ANKRD29: variants seen among roughly 807,000 people sequenced by gnomAD.
ANKRD29 encodes ankyrin repeat domain-containing protein 29.
Under a neutral mutation model 38.0 loss-of-function variants are expected in ANKRD29, and 32 were observed. The observed-to-expected ratio is 0.84, with a 90% confidence interval of 0.64 to 1.13. ANKRD29 has a LOEUF of 1.13. Ranked by LOEUF, ANKRD29 falls within the 50% of genes most tolerant of loss-of-function variation. The pLI, the probability that ANKRD29 is intolerant of heterozygous loss-of-function variation, is 0.00. For synonymous variants in ANKRD29, 135 were observed against 152.4 expected (o/e 0.89, Z 0.84); for missense variants, 357 against 377.9 (o/e 0.94, Z 0.46).
intron 6 of ANKRD29, among the ~76,000 whole-genome samples, chr18:23,625,189 C>T (rs182961581): frequency 2.3e-4 from 35 of 152,234 alleles, no homozygotes; most frequent in Non-Finnish European, 4.6e-4. Flanking sequence ...CCCACCCTAC[C>T]CTGCCCTGGA....
chr18:23,650,492 G>T (rs1183353062), intron 1 of ANKRD29, among the ~76,000 whole-genome samples: 1 of 152,162 alleles, frequency 6.6e-6, no homozygotes, highest in African/African-American at 2.4e-5. Flanking sequence ...CCATACCTAT[G>T]GAAAGCATGG....
chr18:23,662,617 A>AAACCCCC, intron 1 of ANKRD29, 93 bp downstream of exon 1: 1 of 137,646 alleles, frequency 7.3e-6, no homozygotes, highest in Non-Finnish European at 1.3e-5. Context: ...GGCAGCGCCC[A>AAACCCCC]CCCCATCCCA....
intron 1 of ANKRD29, among the ~76,000 whole-genome samples, chr18:23,657,313 A>G (rs924766775): frequency 6.6e-6 from 1 of 152,174 alleles, no homozygotes; most frequent in Non-Finnish European, 1.5e-5. Context: ...TCCTTCTGCC[A>G]TTCTAGCTAA....
At chr18:23,637,994 C>CTTTT (rs3083465) in intron 4 of ANKRD29, among the ~76,000 whole-genome samples, 1,061 of 97,980 alleles carry the variant, frequency 0.011, 54 homozygotes, top group African/African-American at 0.023. Flanking sequence ...TCAATTACTT[C>CTTTT]TTTTTTTTTT....
At chr18:23,615,250 C>T (rs1018441772) in intron 8 of ANKRD29, among the ~76,000 whole-genome samples, 8 of 152,192 alleles carry the variant, frequency 5.3e-5, no homozygotes, top group African/African-American at 1.7e-4. Context: ...CTCAAGCAGT[C>T]TTCCTGCCTC....
Position 23,625,178 on chromosome 18 carries a change from A to T in ANKRD29, c.528+4675T>A, listed in dbSNP as rs545891192. 1.8e-4 allele frequency among the ~76,000 whole-genome samples: 27 copies of T among 152,120 alleles called. No homozygotes were observed. The South Asian group carries it at 5.4e-3, about 30-fold the overall frequency. On this transcript the variant is annotated intron_variant, in intron 6 of 9. Transcript: ENST00000592179. ...AGTTCAATATTGAGATAATTTTCTTACCCACCCTACCCTGCCCTGGAGCCT... is the reference window on the plus strand; with the variant it reads ...AGTTCAATATTGAGATAATTTTCTTTCCCACCCTACCCTGCCCTGGAGCCT...
chr18:23,629,629 G>A (rs1003054621), intron 6 of ANKRD29, among the ~76,000 whole-genome samples: 1 of 152,252 alleles, frequency 6.6e-6, no homozygotes, highest in Non-Finnish European at 1.5e-5. Context: ...AGTTTTGAAA[G>A]TACTGAACTG....
At chr18:23,649,624 C>G (rs538151968) in intron 1 of ANKRD29, 20 of 462,478 alleles carry the variant, frequency 4.3e-5, no homozygotes, top group African/African-American at 3.6e-4. Context: ...ATTCTGACCT[C>G]TCAAAAGAGT....
intron 9 of ANKRD29, among the ~76,000 whole-genome samples, chr18:23,605,457 C>T (rs186200237): frequency 6.6e-6 from 1 of 152,144 alleles, no homozygotes; most frequent in Non-Finnish European, 1.5e-5. Flanking sequence ...CCACCTAGGC[C>T]TCCTGAAGTG....
At chr18:23,651,417 A>G (rs543128404) in intron 1 of ANKRD29, among the ~76,000 whole-genome samples, 1 of 152,326 alleles carries the variant, frequency 6.6e-6, no homozygotes, top group Non-Finnish European at 1.5e-5. Context: ...GTCAGTAACT[A>G]GGCAAAGAAA....
At chr18:23,632,904 T>C (rs2059952194) in intron 5 of ANKRD29, among the ~76,000 whole-genome samples, 1 of 152,162 alleles carries the variant, frequency 6.6e-6, no homozygotes, top group African/African-American at 2.4e-5. Flanking sequence ...GGGTTAACCA[T>C]GTAAACTCTG....
rs868547930 is a variant in ANKRD29, at chr18:23,619,575, G to T, written c.583C>A (p.Arg195=). 3.1e-6 allele frequency: 5 copies of T among 1,597,688 alleles called. No homozygotes were observed. Among genetic ancestry groups the T allele is most frequent in the Non-Finnish European group, 4.2e-6 (5 of 1,179,066 alleles). Residue 195 remains arginine (R), a synonymous_variant, in exon 7 of 10, where the codon CGG becomes AGG. Transcript: ENST00000592179. ...TCGGCTCCGCGCAGCAGCATCACCC[G>T]CACCACCTCGCTGTGGCCCATCTGG... ...ASQMGHSEVV[R]VMLLRGADRD...
intron 1 of ANKRD29, among the ~76,000 whole-genome samples, chr18:23,659,758 A>G (rs891246769): frequency 6.6e-6 from 1 of 151,666 alleles, no homozygotes; most frequent in South Asian, 2.1e-4. Context: ...GACAAAAAAA[A>G]AAACAAAAAA....
chr18:23,620,791 C>T (rs187586698), intron 6 of ANKRD29, among the ~76,000 whole-genome samples: 49 of 152,268 alleles, frequency 3.2e-4, no homozygotes, highest in Admixed American at 9.8e-4. Context: ...AGTGGTCCCC[C>T]AGTCCCCATG....
intron 7 of ANKRD29, 200 bp downstream of exon 7, chr18:23,619,331 T>C (rs927963504): frequency 1.7e-6 from 1 of 577,522 alleles, no homozygotes; most frequent in Non-Finnish European, 3.0e-6. Context: ...TTCCACCCTC[T>C]CTAGTGCGTC....
chr18:23,640,049 C>G (rs2060053799), intron 3 of ANKRD29, among the ~76,000 whole-genome samples: 1 of 152,154 alleles, frequency 6.6e-6, no homozygotes, highest in Non-Finnish European at 1.5e-5. Context: ...TTAAAAATGG[C>G]TAAGAGGGTA....
At chr18:23,637,965 T>C (rs2145704283) in intron 4 of ANKRD29, among the ~76,000 whole-genome samples, 1 of 151,008 alleles carries the variant, frequency 6.6e-6, no homozygotes, top group African/African-American at 2.4e-5. Context: ...CTTTCTTATC[T>C]ATATGTCAAA....
chr18:23,638,276 A>C (rs993960058), intron 4 of ANKRD29, among the ~76,000 whole-genome samples: 2 of 152,178 alleles, frequency 1.3e-5, no homozygotes, highest in East Asian at 3.8e-4. Flanking sequence ...TTGGGATTAC[A>C]GGCATGAACC....
intron 1 of ANKRD29, among the ~76,000 whole-genome samples, chr18:23,654,174 G>A (rs745967634): frequency 4.6e-5 from 7 of 151,968 alleles, no homozygotes; most frequent in Non-Finnish European, 1.0e-4. Flanking sequence ...GCTGAGGCAG[G>A]AGAATTGCTT....
Sources: gnomAD v4.1 joint callset for allele counts (sites outside exome capture counted in the v4.1 genomes callset) on GRCh38, gnomAD v4.1.1 for gene constraint, MANE v1.5 for transcripts, NCBI Gene and HGNC (gene_info 2026-07-23, HGNC 2026-07-21) for gene names.